The following DALRD3 variants were observed in gnomAD, a reference collection of about 807,000 sequenced individuals.
DALRD3 encodes DALR anticodon-binding domain-containing protein 3.
In DALRD3, 47 loss-of-function variants were observed where a neutral mutation model predicts 56.7. The ratio of observed to expected loss-of-function variants is 0.83; its 90% CI spans 0.66 to 1.06. The LOEUF (loss-of-function observed/expected upper bound fraction) is 1.06, where lower values mean the gene tolerates loss of function less well. Ranked by LOEUF, DALRD3 falls within the 50% of genes least tolerant of loss-of-function variation. The pLI is 0.00. For missense variants in DALRD3, 787 were observed against 724.0 expected (o/e 1.09, Z -1.00); for synonymous variants, 347 against 308.5 (o/e 1.12, Z -1.31).
Position 49,016,052 on chromosome 3 carries a change from G to T in DALRD3, c.1364C>A (p.Pro455His). 6.2e-7 allele frequency: 1 copy of T among 1,600,958 alleles called. No individual in the cohort carries two copies. Among genetic ancestry groups the T allele is most frequent in the Non-Finnish European group, 8.5e-7 (1 of 1,171,072 alleles). ...TGTCCGGCTCAGCAGATCCGGAAAGGGGAGGATACTGTTGAAGAGCAACAA... is the reference window on the plus strand; with the variant it reads ...TGTCCGGCTCAGCAGATCCGGAAAGTGGAGGATACTGTTGAAGAGCAACAA... ...EWLLLFNSILPFPDLLSRTAV... is the reference protein window; with the variant it reads ...EWLLLFNSILHFPDLLSRTAV... The change falls in exon 10 of 12, where the codon CCC becomes CAC. Residue 455 changes from proline (P) to histidine (H), a missense_variant. Pro to His is a moderately conservative substitution (Grantham distance 77). Transcript: ENST00000341949.
chr3:49,016,798 A>T lies in DALRD3; in HGVS notation c.977T>A (p.Leu326Gln), dbSNP rs1428502772. ...CTCGTAGTACTCAGGGGCAGTCATC[A>T]GAGTGCCAGGTGCACCAGCTACTTT... ...PVKVAGAPGT[L>Q]MTAPEYYEFR... The change falls in exon 6 of 12, where the codon CTG (leucine) becomes CAG (glutamine). Residue 326 changes from leucine (L) to glutamine (Q), a missense_variant. By Grantham distance (113) the Leu-to-Gln change is moderately radical (BLOSUM62 -2). Transcript: ENST00000341949. The T allele has an allele frequency of 6.2e-7, 1 of 1,614,102 alleles. No homozygotes were observed. The highest frequency in any genetic ancestry group is 2.2e-5 in the East Asian group (1 of 44,900).
Position 49,016,001 on chromosome 3 carries a change from C to T in DALRD3, c.1415G>A (p.Gly472Glu), listed in dbSNP as rs1257812027. Residue 472 changes from glycine (G) to glutamate (E), a missense_variant, in exon 10 of 12, where the codon GGG becomes GAG. Gly to Glu is a moderately conservative substitution (Grantham distance 98). Coordinates refer to ENST00000341949, the MANE Select transcript of DALRD3 (RefSeq NM_001009996.3). The part of the protein sequence containing the change: ...RTAVLDCTAP[G>E]LHIAVRTEMI... The stretch of plus-strand genomic sequence containing the variant: ...CTCTGTGCGTACAGCAATGTGGAGC[C>T]CCGGGGCTGTGCAGTCCAGCACTGC... 6.2e-7 allele frequency: 1 copy of T among 1,611,422 alleles called. No homozygotes were observed. Among genetic ancestry groups the T allele is most frequent in the South Asian group, 1.1e-5 (1 of 90,792 alleles).
In DALRD3 at chr3:49,017,256, T is replaced by A. The variant is rs750153548; in HGVS notation, c.899A>T (p.Lys300Met). The change falls in exon 5 of 12, where the codon AAG becomes ATG. Residue 300 changes from lysine (K) to methionine (M), a missense_variant. Lys to Met is a moderately conservative substitution (Grantham distance 95). Transcript: ENST00000341949. The part of the protein sequence containing the change: ...QQQKLDLLWQ[K>M]LVDKAPLRQK... ...TCTGAGTGGAGCCTTGTCAACCAACTTCTGCCAAAGCAGGTCCAACTTCTG... is the reference window on the plus strand; with the variant it reads ...TCTGAGTGGAGCCTTGTCAACCAACATCTGCCAAAGCAGGTCCAACTTCTG... The A allele has an allele frequency of 1.2e-6, 2 of 1,614,182 alleles. No individual in the cohort carries two copies. Among genetic ancestry groups the A allele is most frequent in the South Asian group, 2.2e-5 (2 of 91,088 alleles).
At chr3:49,016,584 G>A (rs754196252) in intron 7 of DALRD3, 28 bp downstream of exon 7, 11 of 1,589,564 alleles carry the variant, frequency 6.9e-6, no homozygotes, top group Non-Finnish European at 8.6e-6. Context: ...CCCTAACCCA[G>A]AACATAGCCA....
At chr3:49,020,185 T>C (rs763416716), upstream of DALRD3, 2 of 534,560 alleles carry the variant, frequency 3.7e-6, no homozygotes, top group South Asian at 2.8e-5. Context: ...CCCGATGGCT[T>C]CTCGGGTGCC....
upstream of DALRD3, among the ~76,000 whole-genome samples, chr3:49,019,914 G>A (rs1352204053): frequency 1.3e-5 from 2 of 152,228 alleles, no homozygotes; most frequent in Non-Finnish European, 2.9e-5. Flanking sequence ...CTCAGTTGGA[G>A]TATCTTGCTC....
At chr3:49,019,629 G>T (rs2093134688), upstream of DALRD3, among the ~76,000 whole-genome samples, 1 of 151,808 alleles carries the variant, frequency 6.6e-6, no homozygotes, top group African/African-American at 2.4e-5. Flanking sequence ...ACAGGCACGC[G>T]CCACCACGCC....
upstream of DALRD3, among the ~76,000 whole-genome samples, chr3:49,019,409 C>T (rs1340488440): frequency 6.6e-6 from 1 of 151,774 alleles, no homozygotes; most frequent in South Asian, 2.1e-4. Flanking sequence ...CACTCTGATA[C>T]AGTTGGCGGT....
In DALRD3 at chr3:49,017,317, C is replaced by A. The variant is rs768667520; in HGVS notation, c.838G>T (p.Val280Leu). 1.9e-6 allele frequency: 3 copies of A among 1,614,240 alleles called. No individual in the cohort carries two copies. In the South Asian group the frequency reaches 3.3e-5, roughly 18 times the overall value. Residue 280 changes from valine (V) to leucine (L), a missense_variant, in exon 5 of 12, where the codon GTA (valine) becomes TTA (leucine). By Grantham distance (32) the Val-to-Leu change is conservative. Coordinates refer to ENST00000341949, the MANE Select transcript of DALRD3 (RefSeq NM_001009996.3). ...SDTGTGGCLVVHVVSCEEEFQ... is the reference protein window; with the variant it reads ...SDTGTGGCLVLHVVSCEEEFQ... Reference sequence around the variant, plus strand: ...TCCTCCTCACAGCTAACAACATGTACAACCAGGCAGCCGCCTGTACCAGTA... The same window carrying A: ...TCCTCCTCACAGCTAACAACATGTAAAACCAGGCAGCCGCCTGTACCAGTA...
chr3:49,017,956 G>C, intron 2 of DALRD3, 67 bp downstream of exon 2: 1 of 1,503,524 alleles, frequency 6.7e-7, no homozygotes, highest in Non-Finnish European at 8.8e-7. Context: ...CCCACGGGCG[G>C]CGCCGCTCGC....
intron 5 of DALRD3, 179 bp from the exon 6 acceptor site, chr3:49,017,026 T>A (rs2093089794): frequency 1.1e-6 from 1 of 938,988 alleles, no homozygotes; most frequent in Non-Finnish European, 1.6e-6. Flanking sequence ...CTCAACCTGG[T>A]CTTCAGTGTT....
chr3:49,017,001 G>A (rs1468929923), intron 5 of DALRD3, 154 bp from the exon 6 acceptor site: 21 of 991,162 alleles, frequency 2.1e-5, no homozygotes, highest in Admixed American at 8.5e-5. Flanking sequence ...CTCAGGCTAC[G>A]CATGGTTCAT....
Position 49,018,501 on chromosome 3 carries a change from C to G in DALRD3, c.64G>C (p.Gly22Arg). The G allele has an allele frequency of 6.3e-7, 1 of 1,586,312 alleles. No homozygotes were observed. Among genetic ancestry groups the G allele is most frequent in the Non-Finnish European group, 8.6e-7 (1 of 1,166,150 alleles). Residue 22 changes from glycine (G) to arginine (R), a missense_variant, in exon 1 of 12, where the codon GGC becomes CGC. Transcript: ENST00000341949. ...GTCTCCTTGATCCACACCGGACCGC[C>G]TGGCCCCAGGGCCGCGTTGAGGGCC... is the stretch of plus-strand genomic sequence containing the variant. ...LGALNAALGPGGPVWIKETRT... is the reference protein window; with the variant it reads ...LGALNAALGPRGPVWIKETRT...
chr3:49,016,241 T>A lies in DALRD3; in HGVS notation c.1246A>T (p.Ser416Cys). Reference protein sequence around the residue: ...NCARLATLFESYKCSMEQGLY... With the variant: ...NCARLATLFECYKCSMEQGLY... ...CCTTGTTCCATACTACACTTGTAAC[T>A]CTCAAAGAGTGTGGCAAGACGGGCA... Residue 416 changes from serine to cysteine, a missense_variant, in exon 9 of 12, where the codon AGT (serine) becomes TGT (cysteine). By Grantham distance (112) the Ser-to-Cys change is moderately radical. Transcript: ENST00000341949. The A allele has an allele frequency of 6.2e-7, 1 of 1,614,084 alleles. No homozygotes were observed. The highest frequency in any genetic ancestry group is 1.1e-5 in the South Asian group (1 of 91,086).
upstream of DALRD3, chr3:49,019,002 ATC>A (rs929823463): frequency 3.7e-5 from 36 of 985,352 alleles, no homozygotes; most frequent in Admixed American, 6.1e-5. Context: ...TACTTAAAAT[ATC>A]TCGTTTTAAA....
chr3:49,015,628 C>G lies in DALRD3; in HGVS notation c.1592G>C (p.Gly531Ala), dbSNP rs751618056. ...TGGAGGGAGACCCAGCATAGCCAGG[C>G]CAGTATGGAGCACCTCACGCACAGC... ...LRAVREVLHT[G>A]LAMLGLPPLS... Residue 531 changes from glycine to alanine, a missense_variant, in exon 12 of 12, where the codon GGC (glycine) becomes GCC (alanine). Transcript: ENST00000341949. 7 of 1,614,088 alleles carry G rather than the reference C, an allele frequency of 4.3e-6. No homozygotes were observed. Among genetic ancestry groups the G allele is most frequent in the Non-Finnish European group, 5.9e-6 (7 of 1,180,022 alleles).
chr3:49,018,489 A>G lies in DALRD3; in HGVS notation c.76T>C (p.Trp26Arg). 3.8e-6 allele frequency: 6 copies of G among 1,587,366 alleles called. No individual in the cohort carries two copies. Among genetic ancestry groups the G allele is most frequent in the South Asian group, 1.1e-5 (1 of 87,790 alleles). Reference sequence around the variant, plus strand: ...TGGCGGGTGCGCGTCTCCTTGATCCACACCGGACCGCCTGGCCCCAGGGCC... The same window carrying G: ...TGGCGGGTGCGCGTCTCCTTGATCCGCACCGGACCGCCTGGCCCCAGGGCC... ...NAALGPGGPV[W>R]IKETRTRHLR... The change falls in exon 1 of 12, where the codon TGG becomes CGG. Residue 26 changes from tryptophan (W) to arginine (R), a missense_variant. Trp to Arg is a moderately radical substitution (Grantham distance 101). Transcript: ENST00000341949.
At chr3:49,020,362 G>A (rs1318173980), upstream of DALRD3, 1 of 435,106 alleles carries the variant, frequency 2.3e-6, no homozygotes, top group African/African-American at 2.0e-5. Flanking sequence ...AAGTAAGAGG[G>A]CTATCTTTAG....
At chr3:49,016,572 G>A (rs770517582) in intron 7 of DALRD3, 40 bp downstream of exon 7, 2 of 1,595,120 alleles carry the variant, frequency 1.3e-6, no homozygotes, top group Non-Finnish European at 1.7e-6. Context: ...CAAAAAACCT[G>A]CCCCTAACCC....
Sources: gnomAD v4.1 joint callset for allele counts (sites outside exome capture counted in the v4.1 genomes callset) on GRCh38, gnomAD v4.1.1 for gene constraint, MANE v1.5 for transcripts, NCBI Gene and HGNC (gene_info 2026-07-23, HGNC 2026-07-21) for gene names.